PER3: variants seen among roughly 807,000 people sequenced by gnomAD.
PER3 encodes period circadian regulator 3.
In PER3, 107 loss-of-function variants were observed where a neutral mutation model predicts 127.2. The ratio of observed to expected loss-of-function variants is 0.84; its 90% CI spans 0.72 to 0.99. The LOEUF is 0.99. Ranked by LOEUF, PER3 falls within the 50% of genes least tolerant of loss-of-function variation. The pLI is 0.00. For missense variants in PER3, 1,560 were observed against 1,525.8 expected (o/e 1.02, Z -0.37); for synonymous variants, 618 against 585.8 (o/e 1.05, Z -0.79).
chr1:7,797,735 C>G (rs2097152380), intron 6 of PER3, among the ~76,000 whole-genome samples: 1 of 152,038 alleles, frequency 6.6e-6, no homozygotes, highest in African/African-American at 2.4e-5. Flanking sequence ...GTAGTCACAC[C>G]TTTACGTGCT....
Position 7,829,952 on chromosome 1 carries a change from GATC to G in PER3, c.3006_3008del (p.Ser1003del). The G allele has an allele frequency of 8.1e-7, 1 of 1,232,622 alleles. No individual in the cohort carries two copies. The highest frequency in any genetic ancestry group is 1.0e-6 in the Non-Finnish European group (1 of 966,752). The allele number at this position is 1,232,622 out of a possible 1,614,324, so 76.4% of individuals were successfully genotyped here. ...CCTACTGCCAGCGCTCTGTCCACAG[GATC>G]GCCTCCCATGAAGAATCCATCCCAT... On this transcript the variant is annotated inframe_deletion, in exon 19 of 22. Transcript: ENST00000377532.
chr1:7,810,000 G>C lies in PER3; in HGVS notation c.1350G>C (p.Val450=). The part of the protein sequence containing the change: ...ASSSEASGHR[V]EETKAEQMTL... ...CCAGTGAGGCCAGTGGGCACCGTGT[G>C]GAGGAGACGAAGGCGGAGCAGGTGC... Residue 450 remains valine, a synonymous_variant, in exon 12 of 22, where the codon GTG becomes GTC. Coordinates refer to ENST00000377532, the MANE Select transcript of PER3 (RefSeq NM_001377275.1). 1 of 1,613,978 alleles carries C rather than the reference G, an allele frequency of 6.2e-7. No individual in the cohort carries two copies. The highest frequency in any genetic ancestry group is 8.5e-7 in the Non-Finnish European group (1 of 1,179,884).
At chr1:7,806,112 C>G (rs2097191371) in intron 10 of PER3, among the ~76,000 whole-genome samples, 1 of 152,070 alleles carries the variant, frequency 6.6e-6, no homozygotes. Flanking sequence ...ATGGGAGAGA[C>G]AGTAAATAAA....
chr1:7,791,365 G>A (rs1476018961), intron 5 of PER3, among the ~76,000 whole-genome samples: 6 of 152,232 alleles, frequency 3.9e-5, no homozygotes, highest in Non-Finnish European at 8.8e-5. Flanking sequence ...GGCCTGAGCT[G>A]TACCTTGGTC....
At chr1:7,836,282 A>AT (rs1270877750) in intron 20 of PER3, among the ~76,000 whole-genome samples, 1 of 152,040 alleles carries the variant, frequency 6.6e-6, no homozygotes, top group Non-Finnish European at 1.5e-5. Context: ...CAGGTTCAAG[A>AT]TTCTCCTGCC....
In PER3 at chr1:7,820,048, C is replaced by T; in HGVS notation, c.1659-67C>T. ...CCAAACATAAGTGGCATGAGAAAAG[C>T]AAAGAGGTGGGAAATGGCACAATTA... On this transcript the variant is annotated intron_variant, in intron 14 of 21. Coordinates refer to ENST00000377532, the MANE Select transcript of PER3 (RefSeq NM_001377275.1). 4 of 1,533,672 alleles carry T rather than the reference C, an allele frequency of 2.6e-6. No individual in the cohort carries two copies. In the Admixed American group the frequency reaches 7.5e-5, roughly 29 times the overall value.
At chr1:7,788,374 T>C (rs1228337532) in intron 5 of PER3, 128 bp downstream of exon 5, 10 of 673,566 alleles carry the variant, frequency 1.5e-5, no homozygotes, top group East Asian at 1.1e-4. Context: ...ATTCCTGTTA[T>C]AGAAAGTCAC....
chr1:7,784,654 G>A lies in PER3; in HGVS notation c.-224G>A. 1 of 453,612 alleles carries A rather than the reference G, an allele frequency of 2.2e-6. No homozygotes were observed. Among genetic ancestry groups the A allele is most frequent in the Non-Finnish European group, 3.8e-6 (1 of 260,468 alleles). The allele number at this position is 453,612 out of a possible 1,614,324, so 28.1% of individuals were successfully genotyped here. A position where few individuals can be genotyped will look rare whatever the true frequency, so the allele number is the denominator to read the frequency against. Reference sequence around the variant, plus strand: ...TGTCACCCTTGTCTCCTCCCCCTAGGCCGGAGTCCTGAAAGTCGAGCGAGC... The same window carrying A: ...TGTCACCCTTGTCTCCTCCCCCTAGACCGGAGTCCTGAAAGTCGAGCGAGC... On this transcript the variant is annotated splice_region_variant and 5_prime_UTR_variant, in exon 2 of 22. Coordinates refer to ENST00000377532, the MANE Select transcript of PER3 (RefSeq NM_001377275.1).
chr1:7,843,878 T>A lies in PER3; in HGVS notation c.*1123T>A. 1 of 1,238,752 alleles carries A rather than the reference T, an allele frequency of 8.1e-7. No individual in the cohort carries two copies. Among genetic ancestry groups the A allele is most frequent in the Non-Finnish European group, 1.0e-6 (1 of 959,924 alleles). The allele number at this position is 1,238,752 out of a possible 1,614,324, so 76.7% of individuals were successfully genotyped here. ...GTGATTGTTTACTTGATAAATCAGC[T>A]CACTCTCTGGTGCTTTTTAGAGAAG... On this transcript the variant is annotated 3_prime_UTR_variant, in exon 22 of 22. Transcript: ENST00000377532.
In PER3 at chr1:7,819,336, T is replaced by C. The variant is rs148098385; in HGVS notation, c.1574T>C (p.Val525Ala). The change falls in exon 14 of 22, where the codon GTG becomes GCG. Residue 525 changes from valine to alanine, a missense_variant. This residue lies in a region of PER3 where 1,332 missense variants were observed against 1,223.6 expected (regional missense o/e 1.09). Coordinates refer to ENST00000377532, the MANE Select transcript of PER3 (RefSeq NM_001377275.1). ...SFHQTLKNNSVYTEPCEDLRN... is the reference protein window; with the variant it reads ...SFHQTLKNNSAYTEPCEDLRN... ...CACCAAACACTGAAAAACAATAGTG[T>C]GTACACTGAGCCCTGTGAGGATTTG... is the stretch of plus-strand genomic sequence containing the variant. The C allele has an allele frequency of 3.7e-6, 6 of 1,613,480 alleles. No individual in the cohort carries two copies. The African/African-American group carries it at 6.7e-5, about 18-fold the overall frequency.
At chr1:7,816,518 C>A (rs1487906955) in intron 13 of PER3, among the ~76,000 whole-genome samples, 6 of 152,124 alleles carry the variant, frequency 3.9e-5, no homozygotes. Flanking sequence ...CTCAAGAAGA[C>A]AACCCAATTA....
intron 3 of PER3, among the ~76,000 whole-genome samples, chr1:7,785,819 C>T (rs2097086321): frequency 6.6e-6 from 1 of 152,162 alleles, no homozygotes; most frequent in Non-Finnish European, 1.5e-5. Flanking sequence ...ATGTTTTGCT[C>T]ATGTGTTGCA....
At chr1:7,793,787 AT>A (rs1431382291) in intron 5 of PER3, among the ~76,000 whole-genome samples, 169 bp from the exon 6 acceptor site, 1 of 152,172 alleles carries the variant, frequency 6.6e-6, no homozygotes, top group Non-Finnish European at 1.5e-5. Flanking sequence ...GTATTTCCCA[AT>A]TCTAGTATTG....
At chr1:7,788,370 G>C in intron 5 of PER3, 124 bp downstream of exon 5, 1 of 676,644 alleles carries the variant, frequency 1.5e-6, no homozygotes, top group Non-Finnish European at 2.5e-6. Context: ...TCTTATTCCT[G>C]TTATAGAAAG....
intron 13 of PER3, among the ~76,000 whole-genome samples, chr1:7,815,986 C>T (rs7536738): frequency 0.22 from 19,362 of 86,908 alleles, 1,722 homozygotes; most frequent in Admixed American, 0.32. Flanking sequence ...GAGCGGACTC[C>T]GTCTCAAAAA....
chr1:7,797,230 G>T (rs1455132384), intron 6 of PER3, among the ~76,000 whole-genome samples: 1 of 152,062 alleles, frequency 6.6e-6, no homozygotes, highest in Non-Finnish European at 1.5e-5. Context: ...CGGCAGCACC[G>T]GGACACAGCT....
chr1:7,829,908 C>G lies in PER3; in HGVS notation c.2961C>G (p.Pro987=). The change falls in exon 19 of 22, where the codon CCC becomes CCG. Residue 987 remains proline, a synonymous_variant. Coordinates refer to ENST00000377532, the MANE Select transcript of PER3 (RefSeq NM_001377275.1). ...GTGCACTGTCCACGGGGTCACCTCC[C>G]AGGGAGAATCCATCCCATCCTACTG... ...TTGALSTGSP[P]RENPSHPTAS... 1 of 1,613,824 alleles carries G rather than the reference C, an allele frequency of 6.2e-7. No homozygotes were observed. Among genetic ancestry groups the G allele is most frequent in the African/African-American group, 1.3e-5 (1 of 74,970 alleles).
chr1:7,829,016 A>G (rs2151172081), intron 18 of PER3, among the ~76,000 whole-genome samples: 1 of 152,282 alleles, frequency 6.6e-6, no homozygotes, highest in East Asian at 1.9e-4. Flanking sequence ...TTACTTACAA[A>G]GGAACTTATT....
In PER3 at chr1:7,803,778, A is replaced by T. The variant is rs749855218; in HGVS notation, c.1066A>T (p.Ser356Cys). Residue 356 changes from serine (S) to cysteine (C), a missense_variant, in exon 10 of 22, where the codon AGT becomes TGT. Physicochemically the swap from Ser to Cys is moderately radical, Grantham distance 112 (BLOSUM62 -1). Coordinates refer to ENST00000377532, the MANE Select transcript of PER3 (RefSeq NM_001377275.1). ...CGGAGACTACATCATACTGGATTCC[A>T]GTTGGTCCAGCTTTGTGAATCCCTG... ...QNGDYIILDS[S>C]WSSFVNPWSR... The T allele has an allele frequency of 2.5e-6, 4 of 1,613,288 alleles. No homozygotes were observed. Among genetic ancestry groups the T allele is most frequent in the Non-Finnish European group, 3.4e-6 (4 of 1,179,218 alleles).
Sources: allele counts gnomAD v4.1 joint callset (sites outside exome capture counted in the v4.1 genomes callset), GRCh38; gene constraint gnomAD v4.1.1; regional missense constraint gnomAD v4.1.1; transcripts MANE v1.5; gene names NCBI Gene and HGNC (gene_info 2026-07-23, HGNC 2026-07-21).